CSMD3: variants seen among roughly 807,000 people sequenced by gnomAD.
The protein encoded by CSMD3 is CUB and Sushi multiple domains 3.
Under a neutral mutation model 435.2 loss-of-function variants are expected in CSMD3, and 177 were observed. The ratio of observed to expected loss-of-function variants is 0.41; its 90% CI spans 0.36 to 0.46. The LOEUF (loss-of-function observed/expected upper bound fraction) is 0.46. Ranked by LOEUF, CSMD3 falls within the 20% of genes least tolerant of loss-of-function variation. The pLI is 0.34. For missense variants in CSMD3, 4,265 were observed against 4,504.6 expected (o/e 0.95, Z 1.52); for synonymous variants, 1,656 against 1,520.5 (o/e 1.09, Z -2.07).
intron 31 of CSMD3, among the ~76,000 whole-genome samples, chr8:112,480,250 G>GTT (rs1563594016): frequency 1.3e-5 from 2 of 152,196 alleles, no homozygotes; most frequent in African/African-American, 2.4e-5. Context: ...CACTACTATT[G>GTT]TATCTTGGGA....
At chr8:112,353,709 A>G (rs1294496049) in intron 38 of CSMD3, among the ~76,000 whole-genome samples, 1 of 152,158 alleles carries the variant, frequency 6.6e-6, no homozygotes, top group South Asian at 2.1e-4. Context: ...TCAGTAAGAA[A>G]AAAACCTACC....
At chr8:112,299,448 C>G (rs1820695260) in intron 53 of CSMD3, among the ~76,000 whole-genome samples, 1 of 151,944 alleles carries the variant, frequency 6.6e-6, no homozygotes, top group Admixed American at 6.6e-5. Context: ...CTGATGTTTA[C>G]AACTTATTTC....
chr8:113,234,729 GCAAGTAATGCCTGAGTTCATA>G (rs2132208942), intron 3 of CSMD3, among the ~76,000 whole-genome samples: 1 of 152,114 alleles, frequency 6.6e-6, no homozygotes, highest in East Asian at 1.9e-4. Context: ...TGGTTAGGAA[GCAAGTAATGCCTGAGTTCATA>G]CAAGTTCAGT....
intron 23 of CSMD3, among the ~76,000 whole-genome samples, chr8:112,576,449 G>A (rs998113485): frequency 2.6e-5 from 4 of 152,034 alleles, no homozygotes; most frequent in Non-Finnish European, 4.4e-5. Context: ...TTCTTAACCT[G>A]AAGATCAAAA....
intron 63 of CSMD3, among the ~76,000 whole-genome samples, chr8:112,252,195 CG>C (rs1397241152): frequency 6.6e-6 from 1 of 151,806 alleles, no homozygotes; most frequent in Non-Finnish European, 1.5e-5. Flanking sequence ...AACTCACTAC[CG>C]GCCACCTAAT....
chr8:112,772,799 A>C (rs549401385), intron 13 of CSMD3, among the ~76,000 whole-genome samples: 1 of 152,156 alleles, frequency 6.6e-6, no homozygotes, highest in African/African-American at 2.4e-5. Context: ...CTGCTCTTTA[A>C]TGCATTGAGA....
intron 3 of CSMD3, among the ~76,000 whole-genome samples, chr8:113,212,438 A>G (rs935394538): frequency 6.6e-6 from 1 of 152,174 alleles, no homozygotes; most frequent in African/African-American, 2.4e-5. Context: ...TTGGTTTCTT[A>G]TTACCTTACT....
rs1812809878 is a variant in CSMD3, at chr8:112,228,785, T to G, written c.10935A>C (p.Ala3645=). 1 of 1,592,616 alleles carries G rather than the reference T, an allele frequency of 6.3e-7. No homozygotes were observed. The highest frequency in any genetic ancestry group is 1.3e-5 in the African/African-American group (1 of 74,334). ...GTTTATAAAGATAAAATCCAAATCC[T>G]GCAAATATAAGTGCAAAAAAAGGCA... ...ILVPFFALIF[A]GFGFYLYKQR... is the part of the protein sequence containing the mutation. The change falls in exon 70 of 71, where the codon GCA becomes GCC. Residue 3645 remains alanine, a synonymous_variant. Transcript: ENST00000297405.
At chr8:112,989,371 CTT>C (rs1009856591) in intron 6 of CSMD3, among the ~76,000 whole-genome samples, 3 of 151,900 alleles carry the variant, frequency 2.0e-5, no homozygotes, top group African/African-American at 7.2e-5. Context: ...TCCACAGTCT[CTT>C]GTGTCCTATG....
chr8:112,377,190 A>G (rs956988631), intron 38 of CSMD3, among the ~76,000 whole-genome samples: 19 of 152,100 alleles, frequency 1.2e-4, no homozygotes, highest in Non-Finnish European at 2.6e-4. Flanking sequence ...TTGATGTCAC[A>G]GAAATTAAAA....
At chr8:112,631,003 G>GA (rs5894092) in intron 22 of CSMD3, among the ~76,000 whole-genome samples, 73,270 of 149,356 alleles carry the variant, frequency 0.49, 18,456 homozygotes, top group African/African-American at 0.58. Flanking sequence ...AGTCTCTTTT[G>GA]AAAAACATGA....
intron 6 of CSMD3, among the ~76,000 whole-genome samples, chr8:113,004,714 T>G (rs758564675): frequency 6.6e-6 from 1 of 151,918 alleles, no homozygotes; most frequent in Non-Finnish European, 1.5e-5. Flanking sequence ...GAACTACTTT[T>G]AGCACTTCTT....
chr8:112,552,547 G>C (rs1827778301), intron 26 of CSMD3, 47 bp downstream of exon 26: 1 of 1,581,158 alleles, frequency 6.3e-7, no homozygotes, highest in Admixed American at 1.7e-5. Context: ...GGGTTGGTTA[G>C]GCACTTCAGA....
intron 3 of CSMD3, among the ~76,000 whole-genome samples, chr8:113,239,045 A>G (rs1440520969): frequency 6.6e-6 from 1 of 152,118 alleles, no homozygotes; most frequent in African/African-American, 2.4e-5. Context: ...CAAATATACC[A>G]AAAGTCTCAC....
chr8:113,348,619 T>C (rs1427067974), intron 1 of CSMD3, among the ~76,000 whole-genome samples: 4 of 151,984 alleles, frequency 2.6e-5, no homozygotes, highest in Non-Finnish European at 2.9e-5. Flanking sequence ...GAGGGACAGG[T>C]GGGGGCTACA....
intron 27 of CSMD3, among the ~76,000 whole-genome samples, chr8:112,545,482 C>CAAAAAAA (rs71566032): frequency 2.2e-4 from 6 of 26,858 alleles, no homozygotes; most frequent in African/African-American, 4.6e-4. Context: ...GACTCCATCT[C>CAAAAAAA]AAAAAAAAAA....
chr8:113,104,780 G>T (rs940928769), intron 4 of CSMD3, among the ~76,000 whole-genome samples: 8 of 151,988 alleles, frequency 5.3e-5, no homozygotes, highest in Non-Finnish European at 1.2e-4. Context: ...TGAAAAACAT[G>T]TATAACAGAT....
chr8:113,318,071 C>A (rs1015055361), intron 1 of CSMD3, among the ~76,000 whole-genome samples: 3 of 152,130 alleles, frequency 2.0e-5, no homozygotes, highest in African/African-American at 7.2e-5. Context: ...AAGTATATAT[C>A]TTTTGTGTAC....
chr8:113,062,348 A>G (rs1384006408), intron 5 of CSMD3, among the ~76,000 whole-genome samples: 1 of 151,914 alleles, frequency 6.6e-6, no homozygotes, highest in Non-Finnish European at 1.5e-5. Flanking sequence ...TTATTCAGAC[A>G]ATATATGTGG....
Sources: allele counts gnomAD v4.1 joint callset (sites outside exome capture counted in the v4.1 genomes callset), GRCh38; gene constraint gnomAD v4.1.1; transcripts MANE v1.5; gene names NCBI Gene and HGNC (gene_info 2026-07-23, HGNC 2026-07-21).